CES5A: variants seen among roughly 807,000 people sequenced by gnomAD.
CES5A encodes the protein carboxylesterase 5A.
In CES5A, 67 loss-of-function variants were observed where a neutral mutation model predicts 62.9. That is an observed-to-expected ratio of 1.07 (90% CI 0.88 to 1.31). The LOEUF is 1.31. Among genes scored for constraint, CES5A ranks in the 50% most tolerant of loss-of-function variants. The probability of loss-of-function intolerance (pLI) is 0.00; values close to 1 mark genes in which losing one functional copy is unlikely to be tolerated. For synonymous variants in CES5A, 296 were observed against 280.8 expected, an observed-to-expected ratio of 1.05 and a Z score of -0.54; for missense variants, 748 against 708.5, an observed-to-expected ratio of 1.06 and a Z score of -0.63.
rs144739972 is a variant in CES5A at position 55,856,406 on chromosome 16, G to A, written c.1096C>T (p.Leu366Phe). The change falls in exon 9 of 13, where the codon CTT becomes TTT. Residue 366 changes from leucine (L) to phenylalanine (F), a missense_variant. Leu to Phe is a conservative substitution (Grantham distance 22). Transcript: ENST00000290567. ...ATGTTTTGTATCAGATGGAGGGCAA[G>A]GGACTTGTTGGAGCCACTGAGGATC... is the stretch of plus-strand genomic sequence containing the variant. Reference protein sequence around the residue: ...PEILSGSNKSLALHLIQNILH... With the variant: ...PEILSGSNKSFALHLIQNILH... 1.2e-6 allele frequency: 2 copies of A among 1,614,106 alleles called. No homozygotes were observed. Among genetic ancestry groups the A allele is most frequent in the Non-Finnish European group, 1.7e-6 (2 of 1,179,998 alleles).
At chr16:55,894,498 C>CAAAAAAAAAAAAAAAAAA (rs370359945) in intron 1 of CES5A, among the ~76,000 whole-genome samples, 1 of 102,978 alleles carries the variant, frequency 9.7e-6, no homozygotes, top group African/African-American at 4.1e-5. Flanking sequence ...AACTCTGTCT[C>CAAAAAAAAAAAAAAAAAA]AAAAAAAAAA....
intron 1 of CES5A, among the ~76,000 whole-genome samples, chr16:55,898,920 A>T (rs1878668617): frequency 6.6e-6 from 1 of 152,126 alleles, no homozygotes; most frequent in South Asian, 2.1e-4. Context: ...CCACCTCATA[A>T]TGGAAGTCTT....
intron 1 of CES5A, among the ~76,000 whole-genome samples, chr16:55,915,059 C>T (rs1162886924): frequency 6.6e-6 from 1 of 151,956 alleles, no homozygotes; most frequent in Non-Finnish European, 1.5e-5. Context: ...GGGCCTTTCC[C>T]CAGTCCCATT....
At chr16:55,850,409 C>T (rs534276592) in intron 10 of CES5A, among the ~76,000 whole-genome samples, 3 of 152,326 alleles carry the variant, frequency 2.0e-5, no homozygotes, top group Admixed American at 6.5e-5. Flanking sequence ...TTCTGGAAAA[C>T]ACAATTCTAC....
intron 10 of CES5A, among the ~76,000 whole-genome samples, chr16:55,850,925 C>G (rs2033120369): frequency 6.6e-6 from 1 of 152,098 alleles, no homozygotes; most frequent in Admixed American, 6.5e-5. Flanking sequence ...TATAGCCACC[C>G]TAGTATATGA....
chr16:55,950,586 G>T (rs1294589548), intron 1 of CES5A, among the ~76,000 whole-genome samples: 1 of 151,612 alleles, frequency 6.6e-6, no homozygotes, highest in Non-Finnish European at 1.5e-5. Context: ...AAACACAGAT[G>T]GAAGTTAAGA....
chr16:55,954,980 G>A (rs1027235271), intron 1 of CES5A, among the ~76,000 whole-genome samples: 1 of 152,022 alleles, frequency 6.6e-6, no homozygotes, highest in East Asian at 1.9e-4. Context: ...TAGCTTCTCC[G>A]CATGCACAAG....
At chr16:55,881,790 G>A (rs1475304617) in intron 1 of CES5A, among the ~76,000 whole-genome samples, 1 of 152,220 alleles carries the variant, frequency 6.6e-6, no homozygotes, top group African/African-American at 2.4e-5. Flanking sequence ...AAGCTCAGTG[G>A]TGATAATCCT....
intron 10 of CES5A, among the ~76,000 whole-genome samples, chr16:55,851,857 TA>T (rs1236111017): frequency 3.8e-4 from 58 of 152,264 alleles, no homozygotes; most frequent in African/African-American, 1.3e-3. Flanking sequence ...TAGTCAGCCT[TA>T]AAAAAGGAGG....
upstream of CES5A, among the ~76,000 whole-genome samples, chr16:55,878,386 C>T (rs574546529): frequency 6.6e-6 from 1 of 152,046 alleles, no homozygotes; most frequent in South Asian, 2.1e-4. Flanking sequence ...CGGGCAATGC[C>T]CCACAGACCA....
In CES5A at chr16:55,865,980, T is replaced by A; in HGVS notation, c.688A>T (p.Ile230Leu). 2 of 1,614,220 alleles carry A rather than the reference T, an allele frequency of 1.2e-6. No individual in the cohort carries two copies. The highest frequency in any genetic ancestry group is 1.1e-5 in the South Asian group (1 of 91,082). The change falls in exon 5 of 13, where the codon ATA becomes TTA. Residue 230 changes from isoleucine to leucine, a missense_variant. Coordinates refer to ENST00000290567, the MANE Select transcript of CES5A (RefSeq NM_001143685.2). ...VTIFGESAGA[I>L]SVSSLILSPM... is the part of the protein sequence containing the mutation. The stretch of plus-strand genomic sequence containing the variant: ...GAACTCACAAGACTAGAAACACTTA[T>A]GGCTCCCGCGGACTCGCCAAAGATG...
At chr16:55,955,809 G>A (rs1329934286) in intron 1 of CES5A, 2 of 1,533,932 alleles carry the variant, frequency 1.3e-6, no homozygotes, top group African/African-American at 1.4e-5. Flanking sequence ...TTGGGGGTGG[G>A]GTCCAGGCAG....
intron 4 of CES5A, 196 bp downstream of exon 4, chr16:55,869,415 G>GAGA (rs2033535635): frequency 9.6e-7 from 1 of 1,045,830 alleles, no homozygotes; most frequent in African/African-American, 1.6e-5. Flanking sequence ...AAGTGAGAAA[G>GAGA]AGATTTTTAT....
Position 55,896,335 on chromosome 16 carries a change from AT to A in CES5A, c.-255-22299del, listed in dbSNP as rs1434529490. 3.9e-5 allele frequency among the ~76,000 whole-genome samples: 6 copies of A among 152,196 alleles called. No individual in the cohort carries two copies. The South Asian group carries it at 1.2e-3, about 32-fold the overall frequency. Reference sequence around the variant, plus strand: ...GGTAGTATGGGAGCTACAGTTCAAGATTTGGGTAGGGACACAGCCAAACCAT... The same window carrying A: ...GGTAGTATGGGAGCTACAGTTCAAGATTGGGTAGGGACACAGCCAAACCAT... On this transcript the variant is annotated intron_variant, in intron 1 of 12. Coordinates refer to the CES5A transcript ENST00000518005.
chr16:55,868,415 TTTG>T (rs2033509983), intron 4 of CES5A, among the ~76,000 whole-genome samples: 2 of 152,256 alleles, frequency 1.3e-5, no homozygotes, highest in East Asian at 3.9e-4. Flanking sequence ...GGTAGCACCC[TTTG>T]CCAAGCACAT....
intron 1 of CES5A, among the ~76,000 whole-genome samples, chr16:55,913,253 C>T (rs1397262890): frequency 6.6e-6 from 1 of 151,984 alleles, no homozygotes; most frequent in Non-Finnish European, 1.5e-5. Context: ...TTGCTGTCTT[C>T]TGTTCCTGGG....
intron 1 of CES5A, among the ~76,000 whole-genome samples, chr16:55,883,099 C>T (rs1386056859): frequency 6.6e-6 from 1 of 152,198 alleles, no homozygotes; most frequent in Non-Finnish European, 1.5e-5. Context: ...CCTGCTCAAG[C>T]AGGGATGCCA....
chr16:55,852,991 T>C lies in CES5A; in HGVS notation c.1163A>G (p.Glu388Gly). 2 of 1,614,204 alleles carry C rather than the reference T, an allele frequency of 1.2e-6. No individual in the cohort carries two copies. Among genetic ancestry groups the C allele is most frequent in the Non-Finnish European group, 1.7e-6 (2 of 1,180,016 alleles). The change falls in exon 10 of 13, where the codon GAA (glutamate) becomes GGA (glycine). Residue 388 changes from glutamate to glycine, a missense_variant. Transcript: ENST00000290567. Reference sequence around the variant, plus strand: ...CAGGGAGTGCTTGTCATGGAAGTATTCATTAGCCACAAGGTGCAAATACTG... The same window carrying C: ...CAGGGAGTGCTTGTCATGGAAGTATCCATTAGCCACAAGGTGCAAATACTG... ...PPQYLHLVAN[E>G]YFHDKHSLTE...
chr16:55,850,381 T>A (rs1315561792), intron 10 of CES5A, among the ~76,000 whole-genome samples: 1 of 152,202 alleles, frequency 6.6e-6, no homozygotes, highest in Non-Finnish European at 1.5e-5. Flanking sequence ...ACACTCCCCA[T>A]TGGCCCCACT....
Sources: gnomAD v4.1 joint callset for allele counts (sites outside exome capture counted in the v4.1 genomes callset) on GRCh38, gnomAD v4.1.1 for gene constraint, MANE v1.5 for transcripts, NCBI Gene and HGNC (gene_info 2026-07-23, HGNC 2026-07-21) for gene names.